PNPLA3: variants seen among roughly 807,000 people sequenced by gnomAD.
PNPLA3 encodes the protein 1-acylglycerol-3-phosphate O-acyltransferase PNPLA3.
PNPLA3 carries 42 observed loss-of-function variants against 43.1 expected under a neutral mutation model. The ratio of observed to expected loss-of-function variants is 0.97; its 90% confidence interval spans 0.76 to 1.26. The LOEUF is 1.26. PNPLA3 is among the 50% of genes most tolerant of loss of function. The pLI, the probability that PNPLA3 is intolerant of heterozygous loss-of-function variation, is 0.00. For synonymous variants in PNPLA3, 272 were observed against 253.6 expected (o/e 1.07, Z -0.69); for missense variants, 647 against 621.4 (o/e 1.04, Z -0.44).
At chr22:43,931,339 C>T (rs9625963) in intron 3 of PNPLA3, among the ~76,000 whole-genome samples, 4,232 of 152,214 alleles carry the variant, frequency 0.028, 80 homozygotes, top group Middle Eastern at 0.048. Flanking sequence ...CACTGGAGCT[C>T]CTAAATTCAA....
intron 7 of PNPLA3, among the ~76,000 whole-genome samples, chr22:43,941,322 G>GGCTTCCTCTGATTGA: frequency 6.6e-6 from 1 of 150,588 alleles, no homozygotes; most frequent in South Asian, 2.2e-4. Context: ...CCTCTGATTG[G>GGCTTCCTCTGATTGA]GCTTCCTCTG....
chr22:43,940,968 G>A (rs1177585388), intron 7 of PNPLA3, among the ~76,000 whole-genome samples: 5 of 151,736 alleles, frequency 3.3e-5, no homozygotes, highest in African/African-American at 7.3e-5. Flanking sequence ...GTGAAACCAT[G>A]TCTCTACTAA....
intron 5 of PNPLA3, among the ~76,000 whole-genome samples, chr22:43,935,667 T>A (rs1305898634): frequency 9.5e-6 from 1 of 105,104 alleles, no homozygotes; most frequent in African/African-American, 3.8e-5. Flanking sequence ...ACTGGAGGGG[T>A]GGGGATGGGG....
In PNPLA3 at chr22:43,930,082, G is replaced by T. The variant is rs150202195; in HGVS notation, c.486+1193G>T. Among the ~76,000 whole-genome samples the T allele has an allele frequency of 3.5e-3, 540 of 152,256 alleles. 3 individuals carry two copies. Among genetic ancestry groups the T allele is most frequent in the African/African-American group, 0.012 (513 of 41,540 alleles). Reference sequence around the variant, plus strand: ...CGGAACCTTTGATGCAATCCTGTATGTAGCACCAGCAGAGCCACGTGGCAG... The same window carrying T: ...CGGAACCTTTGATGCAATCCTGTATTTAGCACCAGCAGAGCCACGTGGCAG... On this transcript the variant is annotated intron_variant, in intron 3 of 8. Coordinates refer to ENST00000216180, the MANE Select transcript of PNPLA3 (RefSeq NM_025225.3).
At chr22:43,925,726 G>A (rs2049917725) in intron 1 of PNPLA3, among the ~76,000 whole-genome samples, 1 of 152,186 alleles carries the variant, frequency 6.6e-6, no homozygotes. Flanking sequence ...CCTCCAGGAG[G>A]ATTAGACCGC....
intron 1 of PNPLA3, 93 bp from the exon 2 acceptor site, chr22:43,926,842 G>A (rs968885804): frequency 9.8e-7 from 1 of 1,017,484 alleles, no homozygotes. Flanking sequence ...GAGAAATGTT[G>A]GTGGCATCCT....
At chr22:43,932,804 G>A in intron 3 of PNPLA3, 74 bp from the exon 4 acceptor site, 1 of 1,390,148 alleles carries the variant, frequency 7.2e-7, no homozygotes, top group Non-Finnish European at 1.0e-6. Flanking sequence ...GCCCACATGT[G>A]AAAGCTTGTT....
intron 4 of PNPLA3, among the ~76,000 whole-genome samples, chr22:43,934,087 C>T (rs1389141303): frequency 1.3e-5 from 2 of 152,028 alleles, no homozygotes; most frequent in Non-Finnish European, 2.9e-5. Context: ...GAGGCTGAGG[C>T]AGGTGGATCA....
At chr22:43,944,045 C>G (rs2050047618) in intron 7 of PNPLA3, among the ~76,000 whole-genome samples, 1 of 152,078 alleles carries the variant, frequency 6.6e-6, no homozygotes, top group African/African-American at 2.4e-5. Flanking sequence ...CTTGGCCTCC[C>G]AAAGTGCTGG....
chr22:43,937,785 AT>A (rs1395517805), intron 6 of PNPLA3, among the ~76,000 whole-genome samples: 8 of 152,098 alleles, frequency 5.3e-5, no homozygotes, highest in African/African-American at 1.7e-4. Flanking sequence ...TAAACCCACA[AT>A]TTTGAACCTC....
intron 3 of PNPLA3, among the ~76,000 whole-genome samples, chr22:43,929,753 C>G (rs566725302): frequency 6.6e-6 from 1 of 151,602 alleles, no homozygotes; most frequent in African/African-American, 2.4e-5. Context: ...CCTGCCGTCA[C>G]GCCAAGCTAA....
At chr22:43,944,380 T>C (rs898759666) in intron 7 of PNPLA3, among the ~76,000 whole-genome samples, 2 of 152,184 alleles carry the variant, frequency 1.3e-5, no homozygotes, top group African/African-American at 4.8e-5. Flanking sequence ...GTCTTGACCA[T>C]GAGAGCCCTT....
Position 43,946,295 on chromosome 22 carries a change from C to A in PNPLA3, c.1359C>A (p.Ser453Arg). 2 of 1,614,130 alleles carry A rather than the reference C, an allele frequency of 1.2e-6. No individual in the cohort carries two copies. The highest frequency in any genetic ancestry group is 2.7e-5 in the African/African-American group (2 of 74,992). Residue 453 changes from serine (S) to arginine (R), a missense_variant, in exon 9 of 9, where the codon AGC (serine) becomes AGA (arginine). Transcript: ENST00000216180. ...EATPRSILRSSLNFFLGNKVP... is the reference protein window; with the variant it reads ...EATPRSILRSRLNFFLGNKVP... The stretch of plus-strand genomic sequence containing the variant: ...CCCCGCGGTCCATCCTCAGGTCCAG[C>A]CTGAACTTCTTCTTGGGCAATAAAG...
rs531064030 is a variant in PNPLA3 at position 43,936,171 on chromosome 22, A to G, written c.758-880A>G. 8.0e-4 allele frequency among the ~76,000 whole-genome samples: 122 copies of G among 152,244 alleles called. 1 individual carries two copies. In the Middle Eastern group the frequency reaches 0.01, roughly 13 times the overall value. On this transcript the variant is annotated intron_variant, in intron 5 of 8. Coordinates refer to ENST00000216180, the MANE Select transcript of PNPLA3 (RefSeq NM_025225.3). ...GTATGGCAGGAAGAGCTGGTGTGCC[A>G]GAGATGCTGGAAGCAGCATCTGCCT...
At chr22:43,942,711 T>TTTC (rs1450987675) in intron 7 of PNPLA3, among the ~76,000 whole-genome samples, 1 of 147,292 alleles carries the variant, frequency 6.8e-6, no homozygotes, top group African/African-American at 2.5e-5. Context: ...CTTTTTTTTT[T>TTTC]TTTTTTTTTG....
chr22:43,924,287 A>T, intron 1 of PNPLA3, 189 bp downstream of exon 1: 1 of 722,336 alleles, frequency 1.4e-6, no homozygotes, highest in Non-Finnish European at 2.1e-6. Context: ...GGGCCCGGGA[A>T]GGGGGCGTTG....
intron 1 of PNPLA3, 122 bp from the exon 2 acceptor site, chr22:43,926,813 A>G (rs2049925663): frequency 4.0e-6 from 3 of 755,424 alleles, no homozygotes; most frequent in South Asian, 3.4e-5. Flanking sequence ...TGGCTCCCAT[A>G]GTAGACAGTA....
In PNPLA3 at chr22:43,927,053, C is replaced by T. The variant is rs1456546883; in HGVS notation, c.306C>T (p.Leu102=). 1 of 1,614,254 alleles carries T rather than the reference C, an allele frequency of 6.2e-7. No individual in the cohort carries two copies. The highest frequency in any genetic ancestry group is 8.5e-7 in the Non-Finnish European group (1 of 1,180,046). Residue 102 remains leucine, a synonymous_variant, in exon 2 of 9, where the codon CTC becomes CTT. Transcript: ENST00000216180. The part of the protein sequence containing the change: ...KFLRQGLCKC[L]PANVHQLISG... Reference sequence around the variant, plus strand: ...TCCGACAGGGTCTCTGCAAATGCCTCCCGGCCAATGTCCACCAGCTCATCT... The same window carrying T: ...TCCGACAGGGTCTCTGCAAATGCCTTCCGGCCAATGTCCACCAGCTCATCT...
At chr22:43,940,400 A>G (rs1456890700) in intron 7 of PNPLA3, among the ~76,000 whole-genome samples, 1 of 152,210 alleles carries the variant, frequency 6.6e-6, no homozygotes, top group Non-Finnish European at 1.5e-5. Context: ...TGATTGCCCA[A>G]GGAAACTGAG....
Sources: allele counts gnomAD v4.1 joint callset (sites outside exome capture counted in the v4.1 genomes callset), GRCh38; gene constraint gnomAD v4.1.1; transcripts MANE v1.5; gene names NCBI Gene and HGNC (gene_info 2026-07-23, HGNC 2026-07-21).